IMMP2L: variants seen among roughly 807,000 people sequenced by gnomAD.
IMMP2L encodes inner mitochondrial membrane peptidase subunit 2, also known as mitochondrial inner membrane protease subunit 2.
A neutral mutation model predicts 19.3 loss-of-function variants in IMMP2L; 18 were observed. That is an observed-to-expected ratio of 0.93 (90% confidence interval 0.64 to 1.38). IMMP2L has a LOEUF of 1.38. IMMP2L is among the 40% of genes most tolerant of loss of function. The probability of loss-of-function intolerance (pLI) is 0.00; values close to 1 mark genes in which losing one functional copy is unlikely to be tolerated. For synonymous variants in IMMP2L, 76 were observed against 73.0 expected (o/e 1.04, Z -0.21); for missense variants, 233 against 218.2 (o/e 1.07, Z -0.43).
Position 111,285,441 on chromosome 7 carries a change from T to C in IMMP2L, c.239+201797A>G, listed in dbSNP as rs116337825. On this transcript the variant is annotated intron_variant, in intron 3 of 5. Coordinates refer to ENST00000405709, the MANE Select transcript of IMMP2L (RefSeq NM_032549.4). ...GAGGCAACACTAAAGTTTTCAAGTT[T>C]GGACTGAAGTCTATGAAATCATGAT... 9.0e-3 allele frequency among the ~76,000 whole-genome samples: 1,366 copies of C among 152,282 alleles called. 26 individuals are homozygous for C. The highest frequency in any genetic ancestry group is 0.031 in the African/African-American group (1,309 of 41,578).
chr7:111,073,179 C>T (rs574574760), intron 3 of IMMP2L, among the ~76,000 whole-genome samples: 26 of 151,984 alleles, frequency 1.7e-4, no homozygotes, highest in African/African-American at 6.0e-4. Flanking sequence ...TCAAATAAGT[C>T]AACAAAAATG....
chr7:111,542,392 C>T (rs1391304085), intron 1 of IMMP2L, among the ~76,000 whole-genome samples: 2 of 151,964 alleles, frequency 1.3e-5, no homozygotes, highest in East Asian at 1.9e-4. Context: ...ATTTTAATTA[C>T]CTCATTTAAT....
intron 3 of IMMP2L, among the ~76,000 whole-genome samples, chr7:111,168,401 C>T (rs778862227): frequency 3.3e-5 from 5 of 151,742 alleles, no homozygotes; most frequent in Non-Finnish European, 7.4e-5. Context: ...CATCTAGCAG[C>T]ATCTATAAAC....
At chr7:111,046,555 A>T (rs374151963) in intron 3 of IMMP2L, among the ~76,000 whole-genome samples, 5 of 152,318 alleles carry the variant, frequency 3.3e-5, no homozygotes, top group African/African-American at 1.2e-4. Flanking sequence ...ATAAATGAAG[A>T]TAAAAAGAAA....
At chr7:111,266,967 A>G (rs1053007922) in intron 3 of IMMP2L, among the ~76,000 whole-genome samples, 8 of 152,128 alleles carry the variant, frequency 5.3e-5, no homozygotes, top group Admixed American at 1.3e-4. Flanking sequence ...TCTTTGATCA[A>G]TTTCTCTACC....
At chr7:111,527,481 A>G (rs1217789418) in intron 1 of IMMP2L, among the ~76,000 whole-genome samples, 1 of 150,974 alleles carries the variant, frequency 6.6e-6, no homozygotes, top group Admixed American at 6.6e-5. Flanking sequence ...CTTTATTTCT[A>G]TAACTTTTTA....
intron 5 of IMMP2L, among the ~76,000 whole-genome samples, chr7:110,862,150 T>C (rs903214820): frequency 6.6e-6 from 1 of 152,032 alleles, no homozygotes; most frequent in African/African-American, 2.4e-5. Flanking sequence ...TGTGGATTTT[T>C]ATACTTTTAT....
intron 3 of IMMP2L, among the ~76,000 whole-genome samples, chr7:111,281,146 G>GAAAGAA (rs1563004008): frequency 1.9e-5 from 1 of 52,112 alleles, no homozygotes; most frequent in African/African-American, 9.5e-5. Flanking sequence ...AAGACAGAAA[G>GAAAGAA]ACAGAAAGAC....
chr7:110,829,322 G>A (rs1299366105), intron 5 of IMMP2L, among the ~76,000 whole-genome samples: 1 of 152,162 alleles, frequency 6.6e-6, no homozygotes, highest in Non-Finnish European at 1.5e-5. Flanking sequence ...AGGAGAGCTT[G>A]GGGGAGTGGG....
chr7:111,556,576 C>T (rs1791388736), intron 1 of IMMP2L, among the ~76,000 whole-genome samples: 1 of 151,162 alleles, frequency 6.6e-6, no homozygotes, highest in Admixed American at 6.6e-5. Flanking sequence ...GCTTTACCTC[C>T]ACCACTACAA....
intron 3 of IMMP2L, among the ~76,000 whole-genome samples, chr7:111,209,148 T>C: frequency 6.6e-6 from 1 of 152,086 alleles, no homozygotes; most frequent in South Asian, 2.1e-4. Context: ...TCCCAGCACT[T>C]TGGGAGGCTG....
At chr7:110,889,001 G>A (rs1810509557) in intron 4 of IMMP2L, among the ~76,000 whole-genome samples, 1 of 152,134 alleles carries the variant, frequency 6.6e-6, no homozygotes, top group Non-Finnish European at 1.5e-5. Context: ...GAAGTACATA[G>A]GTTCTGGAAA....
intron 1 of IMMP2L, among the ~76,000 whole-genome samples, chr7:111,540,760 T>C (rs1353253456): frequency 2.6e-5 from 4 of 152,210 alleles, no homozygotes; most frequent in Non-Finnish European, 5.9e-5. Context: ...AGATGCTAAA[T>C]AAATGTATCT....
At chr7:111,033,361 C>T (rs1791025257) in intron 3 of IMMP2L, among the ~76,000 whole-genome samples, 10 of 152,132 alleles carry the variant, frequency 6.6e-5, no homozygotes, top group Admixed American at 6.5e-4. Flanking sequence ...AACTCTCACT[C>T]ATTGCTGGTG....
At chr7:111,328,033 TTAAAC>T (rs571346464) in intron 3 of IMMP2L, among the ~76,000 whole-genome samples, 16 of 151,714 alleles carry the variant, frequency 1.1e-4, no homozygotes, top group Non-Finnish European at 1.8e-4. Flanking sequence ...CTTTTCATCA[TTAAAC>T]TAAAAAATAT....
intron 3 of IMMP2L, among the ~76,000 whole-genome samples, chr7:111,347,875 A>C (rs2130853275): frequency 6.6e-6 from 1 of 152,158 alleles, no homozygotes; most frequent in East Asian, 1.9e-4. Flanking sequence ...TATCTCTCAC[A>C]GAAAATTTTA....
chr7:110,783,377 G>C (rs1799870007), intron 5 of IMMP2L, among the ~76,000 whole-genome samples: 1 of 151,836 alleles, frequency 6.6e-6, no homozygotes, highest in Non-Finnish European at 1.5e-5. Flanking sequence ...AGGTCACAGA[G>C]CTGGTTCTTA....
At chr7:111,493,598 G>C (rs765956739) in intron 2 of IMMP2L, among the ~76,000 whole-genome samples, 7 of 151,970 alleles carry the variant, frequency 4.6e-5, no homozygotes, top group East Asian at 1.9e-4. Flanking sequence ...CCAGCTACTC[G>C]GGAGGCTGAG....
chr7:110,854,717 A>G (rs935743668), intron 5 of IMMP2L, among the ~76,000 whole-genome samples: 1 of 152,008 alleles, frequency 6.6e-6, no homozygotes, highest in African/African-American at 2.4e-5. Flanking sequence ...AGAGGTTTTC[A>G]TTCAATAATC....
Sources: gnomAD v4.1 joint callset for allele counts (sites outside exome capture counted in the v4.1 genomes callset) on GRCh38, gnomAD v4.1.1 for gene constraint, MANE v1.5 for transcripts, NCBI Gene and HGNC (gene_info 2026-07-23, HGNC 2026-07-21) for gene names.